SGIP1: variants seen among roughly 807,000 people sequenced by gnomAD.
SGIP1 encodes SH3GL interacting endocytic adaptor 1.
Under a neutral mutation model 107.5 loss-of-function variants are expected in SGIP1, and 38 were observed. The observed-to-expected ratio is 0.35, with a 90% CI of 0.27 to 0.46. The LOEUF (loss-of-function observed/expected upper bound fraction) is 0.46, where lower values mean the gene tolerates loss of function less well. Among genes scored for constraint, SGIP1 ranks in the 20% least tolerant of loss-of-function variants. The pLI is 1.00. For missense variants in SGIP1, 929 were observed against 1,019.5 expected (o/e 0.91, Z 1.21); for synonymous variants, 365 against 366.1 (o/e 1.00, Z 0.03).
At chr1:66,640,168 A>C (rs566750832) in intron 5 of SGIP1, among the ~76,000 whole-genome samples, 14 of 152,152 alleles carry the variant, frequency 9.2e-5, no homozygotes, top group Non-Finnish European at 1.9e-4. Context: ...GGACACCCTG[A>C]TCTAGCCCCC....
rs912908484 is a variant in SGIP1 at position 66,743,882 on chromosome 1, A to T, written c.*787A>T. The stretch of plus-strand genomic sequence containing the variant: ...ATAATCAAGAGTAAAGAAGATGTTG[A>T]AGTCTTAACTACTTGCCCCTCTCTA... On this transcript the variant is annotated 3_prime_UTR_variant, in exon 25 of 25. Transcript: ENST00000371037. The T allele has an allele frequency of 2.6e-5, 4 of 152,570 alleles. No individual in the cohort carries two copies. Among genetic ancestry groups the T allele is most frequent in the African/African-American group, 9.6e-5 (4 of 41,452 alleles). The allele number at this position is 152,570 out of a possible 1,614,324, so 9.5% of individuals were successfully genotyped here.
At chr1:66,659,952 A>C (rs3077733) in intron 7 of SGIP1, among the ~76,000 whole-genome samples, 1 of 16,230 alleles carries the variant, frequency 6.2e-5, no homozygotes, top group African/African-American at 2.1e-4. Flanking sequence ...AAGAAAGAAA[A>C]AGAAAGAAAG....
chr1:66,658,105 T>C (rs1434814937), intron 7 of SGIP1, among the ~76,000 whole-genome samples: 1 of 152,212 alleles, frequency 6.6e-6, no homozygotes, highest in Non-Finnish European at 1.5e-5. Flanking sequence ...GGGTAACCTT[T>C]ATCATTTGTG....
intron 19 of SGIP1, among the ~76,000 whole-genome samples, chr1:66,728,993 A>C (rs1468429692): frequency 2.6e-5 from 4 of 152,154 alleles, no homozygotes; most frequent in Non-Finnish European, 5.9e-5. Flanking sequence ...CAGAAAAAAA[A>C]AACTGTCAAA....
At chr1:66,618,105 C>CA (rs1558087105) in intron 1 of SGIP1, among the ~76,000 whole-genome samples, 1 of 152,192 alleles carries the variant, frequency 6.6e-6, no homozygotes. Context: ...CCTGAAACAT[C>CA]ACAACTACTC....
chr1:66,613,856 T>C (rs1267520674), intron 1 of SGIP1, among the ~76,000 whole-genome samples: 4 of 152,210 alleles, frequency 2.6e-5, no homozygotes, highest in African/African-American at 9.7e-5. Context: ...TTAGATGTTG[T>C]ATCTCTAGTT....
At chr1:66,567,870 C>A (rs1323568848) in intron 1 of SGIP1, among the ~76,000 whole-genome samples, 3 of 151,900 alleles carry the variant, frequency 2.0e-5, no homozygotes, top group African/African-American at 7.2e-5. Flanking sequence ...TACATGTCTG[C>A]TTTGGTACCA....
At chr1:66,732,360 C>T (rs2094050595) in intron 20 of SGIP1, among the ~76,000 whole-genome samples, 1 of 152,090 alleles carries the variant, frequency 6.6e-6, no homozygotes, top group South Asian at 2.1e-4. Flanking sequence ...GCTCTGGGAG[C>T]TTGGGTAACT....
chr1:66,667,582 A>G, intron 9 of SGIP1, 41 bp downstream of exon 9: 1 of 1,606,236 alleles, frequency 6.2e-7, no homozygotes, highest in Non-Finnish European at 8.5e-7. Context: ...ATGTATAGAG[A>G]AAATTGCTGC....
At chr1:66,701,277 T>G (rs983001375) in intron 18 of SGIP1, among the ~76,000 whole-genome samples, 4 of 152,134 alleles carry the variant, frequency 2.6e-5, no homozygotes, top group Admixed American at 2.6e-4. Flanking sequence ...TAAATTCACA[T>G]TATTCTTAAG....
At chr1:66,711,169 T>C (rs2092892098) in intron 18 of SGIP1, among the ~76,000 whole-genome samples, 2 of 152,192 alleles carry the variant, frequency 1.3e-5, no homozygotes, top group Admixed American at 6.5e-5. Context: ...AACCCTTCTA[T>C]CATTATGTAC....
intron 17 of SGIP1, 49 bp from the exon 18 acceptor site, chr1:66,695,385 C>G: frequency 6.2e-7 from 1 of 1,613,622 alleles, no homozygotes; most frequent in Non-Finnish European, 8.5e-7. Flanking sequence ...GTCCTTCTCT[C>G]TCCCTTTCCT....
chr1:66,588,312 C>G (rs562309046), intron 1 of SGIP1, among the ~76,000 whole-genome samples: 3 of 152,130 alleles, frequency 2.0e-5, no homozygotes, highest in Non-Finnish European at 2.9e-5. Context: ...CAAGTTGCCC[C>G]TGACTCACTG....
rs1570914884 is a variant in SGIP1 at position 66,534,214 on chromosome 1, G to A, written c.-145G>A. ...CAGCAGCATCCATGGCCTGTCTTTT[G>A]GCTTAACACTTATCTCCTTTGGCTT... On this transcript the variant is annotated 5_prime_UTR_variant, in exon 1 of 25. Coordinates refer to ENST00000371037, the MANE Select transcript of SGIP1 (RefSeq NM_032291.4). The A allele has an allele frequency of 2.5e-6, 2 of 802,192 alleles. No homozygotes were observed. The highest frequency in any genetic ancestry group is 5.0e-5 in the East Asian group (2 of 40,258). The allele number at this position is 802,192 out of a possible 1,614,324, so 49.7% of individuals were successfully genotyped here. A position where few individuals can be genotyped will look rare whatever the true frequency, so the allele number is the denominator to read the frequency against.
In SGIP1 at chr1:66,622,048, G is replaced by T. The variant is rs183039074; in HGVS notation, c.11-3799G>T. Among the ~76,000 whole-genome samples, 504 of 152,208 alleles carry T rather than the reference G, an allele frequency of 3.3e-3. 1 individual carries two copies. The highest frequency in any genetic ancestry group is 5.8e-3 in the Non-Finnish European group (395 of 68,008). On this transcript the variant is annotated intron_variant, in intron 1 of 24. Transcript: ENST00000371037. ...TCAGAAGCTCATGAGATTGTGCTGG[G>T]CCTCACCTATAAATTCAGGATTTAT... is the stretch of plus-strand genomic sequence containing the variant.
chr1:66,614,511 G>T (rs1006797418), intron 1 of SGIP1, among the ~76,000 whole-genome samples: 2 of 152,132 alleles, frequency 1.3e-5, no homozygotes, highest in African/African-American at 4.8e-5. Context: ...AGAATTTAGA[G>T]CATATACTGC....
At chr1:66,709,284 A>T (rs1161261071) in intron 18 of SGIP1, among the ~76,000 whole-genome samples, 1 of 144,416 alleles carries the variant, frequency 6.9e-6, no homozygotes, top group Non-Finnish European at 1.5e-5. Context: ...CCTCATTTTC[A>T]TGAAGGAGAA....
intron 15 of SGIP1, 50 bp from the exon 16 acceptor site, chr1:66,689,098 G>A (rs761900796): frequency 1.3e-5 from 21 of 1,576,860 alleles, no homozygotes; most frequent in Middle Eastern, 1.7e-4. Context: ...TGATAACAGC[G>A]CTTTGGCCCC....
intron 18 of SGIP1, among the ~76,000 whole-genome samples, chr1:66,712,778 G>A (rs550578796): frequency 1.3e-5 from 2 of 152,142 alleles, no homozygotes; most frequent in South Asian, 4.1e-4. Context: ...TTAGTCTCAG[G>A]CTGTCTACAT....
Sources: allele counts gnomAD v4.1 joint callset (sites outside exome capture counted in the v4.1 genomes callset), GRCh38; gene constraint gnomAD v4.1.1; transcripts MANE v1.5; gene names NCBI Gene and HGNC (gene_info 2026-07-23, HGNC 2026-07-21).